SNX29: variants seen among roughly 807,000 people sequenced by gnomAD.
SNX29 encodes the protein sorting nexin-29.
A neutral mutation model predicts 102.1 loss-of-function variants in SNX29; 78 were observed. The ratio of observed to expected loss-of-function variants is 0.76; its 90% CI spans 0.64 to 0.92. SNX29 has a LOEUF of 0.92. SNX29 is among the 40% of genes least tolerant of loss of function. The probability of loss-of-function intolerance (pLI) is 0.00; values close to 1 mark genes in which losing one functional copy is unlikely to be tolerated. For synonymous variants in SNX29, 580 were observed against 414.5 expected (o/e 1.40, Z -4.85); for missense variants, 1,280 against 1,061.7 (o/e 1.21, Z -2.86).
chr16:12,434,909 T>C (rs989388782), intron 18 of SNX29, among the ~76,000 whole-genome samples: 2 of 148,180 alleles, frequency 1.3e-5, no homozygotes, highest in South Asian at 4.2e-4. Context: ...AATTCAGCCT[T>C]CTGGGGTCCC....
intron 20 of SNX29, among the ~76,000 whole-genome samples, chr16:12,548,637 AG>A (rs1485300189): frequency 6.6e-6 from 1 of 152,226 alleles, no homozygotes; most frequent in South Asian, 2.1e-4. Context: ...GAGGCTCTTC[AG>A]GGGCCTCATT....
intron 16 of SNX29, among the ~76,000 whole-genome samples, chr16:12,390,277 G>C (rs2083482101): frequency 6.6e-6 from 1 of 151,954 alleles, no homozygotes; most frequent in Non-Finnish European, 1.5e-5. Flanking sequence ...GTGTGAGCTG[G>C]ACCAGCCTCT....
intron 16 of SNX29, among the ~76,000 whole-genome samples, chr16:12,376,758 AG>A (rs1253777777): frequency 5.4e-4 from 78 of 144,604 alleles, no homozygotes; most frequent in East Asian, 3.1e-3. Flanking sequence ...AAAAAAAAAA[AG>A]AACAATTCTA....
At chr16:12,376,457 C>G (rs576297446) in intron 16 of SNX29, among the ~76,000 whole-genome samples, 1 of 152,124 alleles carries the variant, frequency 6.6e-6, no homozygotes, top group South Asian at 2.1e-4. Context: ...TGGCAGGGGC[C>G]AGGCATGGTG....
intron 14 of SNX29, among the ~76,000 whole-genome samples, chr16:12,268,389 G>A (rs1174754687): frequency 6.6e-6 from 1 of 152,222 alleles, no homozygotes; most frequent in Non-Finnish European, 1.5e-5. Context: ...CTGCTAAGCG[G>A]TAGAGCCAGA....
intron 20 of SNX29, among the ~76,000 whole-genome samples, chr16:12,565,799 C>T (rs139568139): frequency 1.3e-5 from 2 of 152,318 alleles, no homozygotes; most frequent in African/African-American, 4.8e-5. Context: ...GCCCTTTACA[C>T]AGCAACCCTC....
At chr16:12,285,135 T>G (rs2079551379) in intron 15 of SNX29, among the ~76,000 whole-genome samples, 1 of 152,260 alleles carries the variant, frequency 6.6e-6, no homozygotes, top group African/African-American at 2.4e-5. Context: ...AGCGGTGCTC[T>G]CACTTAGGTA....
chr16:12,549,405 G>C (rs1192139052), intron 20 of SNX29, among the ~76,000 whole-genome samples: 60 of 152,220 alleles, frequency 3.9e-4, no homozygotes, highest in Non-Finnish European at 7.3e-5. Context: ...TGAGGCAGGA[G>C]AATCTCTTGA....
intron 14 of SNX29, among the ~76,000 whole-genome samples, chr16:12,231,025 AT>A (rs112825119): frequency 1.2e-4 from 18 of 151,902 alleles, no homozygotes; most frequent in Non-Finnish European, 1.5e-4. Flanking sequence ...TAATTTTAAT[AT>A]TTTTTTATTA....
At chr16:12,495,352 A>G (rs553783838) in intron 19 of SNX29, among the ~76,000 whole-genome samples, 2 of 151,916 alleles carry the variant, frequency 1.3e-5, no homozygotes, top group African/African-American at 2.4e-5. Context: ...GGGTTTCACC[A>G]TGTTGTCCAG....
chr16:12,451,936 A>G (rs1597426374), intron 18 of SNX29, among the ~76,000 whole-genome samples: 1 of 152,150 alleles, frequency 6.6e-6, no homozygotes, highest in Non-Finnish European at 1.5e-5. Context: ...CTCTTTCTTA[A>G]AATAAGGGAG....
intron 3 of SNX29, among the ~76,000 whole-genome samples, chr16:12,015,628 C>T (rs1203215198): frequency 9.2e-5 from 14 of 151,668 alleles, no homozygotes; most frequent in African/African-American, 3.2e-4. Context: ...CTCCGCCTCC[C>T]GGGTTCACAC....
intron 16 of SNX29, among the ~76,000 whole-genome samples, chr16:12,392,172 T>A (rs1161293728): frequency 6.6e-6 from 1 of 152,192 alleles, no homozygotes; most frequent in Non-Finnish European, 1.5e-5. Flanking sequence ...ATCTTAGAGA[T>A]CTCCTCCTCT....
chr16:12,046,216 T>C (rs1476511357), intron 5 of SNX29, among the ~76,000 whole-genome samples, 168 bp from the exon 6 acceptor site: 1 of 152,216 alleles, frequency 6.6e-6, no homozygotes, highest in Non-Finnish European at 1.5e-5. Flanking sequence ...TGTTCAGTCT[T>C]CTGTTTGTAA....
At chr16:12,435,279 T>G (rs1467668627) in intron 18 of SNX29, among the ~76,000 whole-genome samples, 1 of 152,222 alleles carries the variant, frequency 6.6e-6, no homozygotes, top group African/African-American at 2.4e-5. Flanking sequence ...GTATTGAGAA[T>G]AAAGGCATTT....
At chr16:12,036,783 A>G (rs1173554972) in intron 4 of SNX29, among the ~76,000 whole-genome samples, 2 of 152,160 alleles carry the variant, frequency 1.3e-5, no homozygotes, top group African/African-American at 4.8e-5. Context: ...TTGGTCTTCT[A>G]TAGATGATTG....
At chr16:12,183,381 T>G (rs2076437099) in intron 13 of SNX29, among the ~76,000 whole-genome samples, 1 of 152,226 alleles carries the variant, frequency 6.6e-6, no homozygotes, top group Non-Finnish European at 1.5e-5. Flanking sequence ...ACTATAAACT[T>G]GGATGTACCT....
chr16:11,994,512 C>T (rs920548253), intron 1 of SNX29, among the ~76,000 whole-genome samples: 13 of 152,164 alleles, frequency 8.5e-5, no homozygotes, highest in Admixed American at 7.9e-4. Context: ...GCTCCAGGAT[C>T]CCATGGACTT....
chr16:12,437,834 A>G (rs1203504927), intron 18 of SNX29, among the ~76,000 whole-genome samples: 1 of 152,154 alleles, frequency 6.6e-6, no homozygotes, highest in African/African-American at 2.4e-5. Context: ...CTGGCCTTCC[A>G]AACCACTCTG....
Sources: gnomAD v4.1 joint callset for allele counts (sites outside exome capture counted in the v4.1 genomes callset) on GRCh38, gnomAD v4.1.1 for gene constraint, MANE v1.5 for transcripts, NCBI Gene and HGNC (gene_info 2026-07-23, HGNC 2026-07-21) for gene names.